Variants in SLCO2A1 observed in about 807,000 individuals in gnomAD.
The protein encoded by SLCO2A1 is matrin F/G 1.
A neutral mutation model predicts 71.7 loss-of-function variants in SLCO2A1; 60 were observed. The observed-to-expected ratio is 0.84, with a 90% confidence interval of 0.68 to 1.04. SLCO2A1 has a LOEUF of 1.04. Ranked by LOEUF, SLCO2A1 falls within the 50% of genes least tolerant of loss-of-function variation. SLCO2A1 has a pLI of 0.00. For synonymous variants in SLCO2A1, 308 were observed against 326.7 expected, an observed-to-expected ratio of 0.94 and a Z score of 0.62; for missense variants, 745 against 813.4, an observed-to-expected ratio of 0.92 and a Z score of 1.02.
At chr3:133,949,495 G>A (rs1174852480) in intron 6 of SLCO2A1, among the ~76,000 whole-genome samples, 1 of 152,060 alleles carries the variant, frequency 6.6e-6, no homozygotes, top group African/African-American at 2.4e-5. Context: ...CACTTTCTTG[G>A]GTATACTACC....
chr3:133,950,021 G>A (rs1933698537), intron 6 of SLCO2A1, among the ~76,000 whole-genome samples: 1 of 151,810 alleles, frequency 6.6e-6, no homozygotes, highest in African/African-American at 2.4e-5. Flanking sequence ...TTTTTTTAGA[G>A]ATGGGGTCTC....
intron 1 of SLCO2A1, among the ~76,000 whole-genome samples, chr3:134,023,121 A>AAAAC (rs143225028): frequency 0.032 from 1,245 of 38,416 alleles, 14 homozygotes; most frequent in African/African-American, 0.049. Context: ...TTCATACAGC[A>AAAAC]AAACAAACAA....
intron 3 of SLCO2A1, among the ~76,000 whole-genome samples, chr3:133,957,420 A>C (rs764941875): frequency 2.0e-5 from 3 of 152,106 alleles, no homozygotes; most frequent in Non-Finnish European, 4.4e-5. Context: ...CACAGGGGTT[A>C]CTGTGAGCAG....
chr3:133,980,563 G>A (rs571841887), intron 1 of SLCO2A1, among the ~76,000 whole-genome samples: 46 of 152,308 alleles, frequency 3.0e-4, no homozygotes, highest in Non-Finnish European at 5.6e-4. Flanking sequence ...GCGCCCCTCT[G>A]GGTGAGGTTT....
rs554983964 is a variant in SLCO2A1 at position 133,989,427 on chromosome 3, C to T, written c.97-9809G>A. Among the ~76,000 whole-genome samples the T allele has an allele frequency of 9.8e-5, 15 of 152,316 alleles. No homozygotes were observed. In the South Asian group the frequency reaches 2.9e-3, roughly 30 times the overall value. On this transcript the variant is annotated intron_variant, in intron 1 of 13. Transcript: ENST00000310926. ...CAGTGGTAACACCCCTCTGAGACTTCCCTCTCTTGGGAAGAAGCATAACTG... is the reference window on the plus strand; with the variant it reads ...CAGTGGTAACACCCCTCTGAGACTTTCCTCTCTTGGGAAGAAGCATAACTG...
In SLCO2A1 at chr3:133,940,847, G is replaced by A. The variant is rs144176794; in HGVS notation, c.1625+1758C>T. ...TACTGTTTTCCTGTGCCGTTTCTCC[G>A]GGTTGTAGTTGCAATGAGCAACTCT... On this transcript the variant is annotated intron_variant, in intron 11 of 13. Transcript: ENST00000310926. 4.6e-3 allele frequency among the ~76,000 whole-genome samples: 707 copies of A among 152,248 alleles called. 11 individuals carry two copies. The highest frequency in any genetic ancestry group is 0.015 in the African/African-American group (604 of 41,544).
At chr3:134,007,293 C>T (rs146143064) in intron 1 of SLCO2A1, among the ~76,000 whole-genome samples, 1 of 152,314 alleles carries the variant, frequency 6.6e-6, no homozygotes, top group East Asian at 1.9e-4. Flanking sequence ...TTGATTGTGT[C>T]ACTTGATGCA....
At chr3:133,964,398 T>C (rs78797918) in intron 3 of SLCO2A1, among the ~76,000 whole-genome samples, 6,594 of 152,212 alleles carry the variant, frequency 0.043, 470 homozygotes, top group African/African-American at 0.15. Context: ...TCGATTTTCA[T>C]CCAAAGAGAT....
chr3:133,995,621 T>G (rs1450858988), intron 1 of SLCO2A1, among the ~76,000 whole-genome samples: 1 of 152,134 alleles, frequency 6.6e-6, no homozygotes, highest in Non-Finnish European at 1.5e-5. Context: ...GAGCCCAGAT[T>G]GCAATTACAA....
intron 1 of SLCO2A1, among the ~76,000 whole-genome samples, chr3:134,017,090 G>A (rs937328714): frequency 6.6e-5 from 10 of 152,206 alleles, no homozygotes; most frequent in South Asian, 2.1e-4. Flanking sequence ...AGAAATCCTC[G>A]TGGTGATGGA....
At chr3:133,993,085 G>C (rs1473383579) in intron 1 of SLCO2A1, among the ~76,000 whole-genome samples, 1 of 152,142 alleles carries the variant, frequency 6.6e-6, no homozygotes, top group African/African-American at 2.4e-5. Flanking sequence ...ATGCTGCCGT[G>C]GGGCCCACAA....
At chr3:133,994,764 C>A (rs1239555157) in intron 1 of SLCO2A1, among the ~76,000 whole-genome samples, 1 of 152,188 alleles carries the variant, frequency 6.6e-6, no homozygotes, top group Non-Finnish European at 1.5e-5. Flanking sequence ...TCCATGCCCC[C>A]AACCATTGTT....
At chr3:133,988,391 C>CTAA (rs1185197018) in intron 1 of SLCO2A1, among the ~76,000 whole-genome samples, 1 of 152,124 alleles carries the variant, frequency 6.6e-6, no homozygotes, top group Non-Finnish European at 1.5e-5. Flanking sequence ...ATTTTTGAAC[C>CTAA]TAAACTATAG....
At chr3:133,981,834 G>T (rs1934599656) in intron 1 of SLCO2A1, among the ~76,000 whole-genome samples, 1 of 152,096 alleles carries the variant, frequency 6.6e-6, no homozygotes, top group African/African-American at 2.4e-5. Flanking sequence ...AATTAACCAG[G>T]CGTGGTGGCA....
In SLCO2A1 at chr3:133,979,530, C is replaced by G; in HGVS notation, c.185G>C (p.Arg62Pro). ...CGATGAAGAACTGGAGAGCCCAAAGCGCTTCTCAATGGTGGTGAGGCTGCT... is the reference window on the plus strand; with the variant it reads ...CGATGAAGAACTGGAGAGCCCAAAGGGCTTCTCAATGGTGGTGAGGCTGCT... ...FKSSLTTIEK[R>P]FGLSSSSSGL... Residue 62 changes from arginine to proline, a missense_variant, in exon 2 of 14, where the codon CGC becomes CCC. Arg to Pro is a moderately radical substitution (Grantham distance 103). Coordinates refer to ENST00000310926, the MANE Select transcript of SLCO2A1 (RefSeq NM_005630.3). The G allele has an allele frequency of 6.2e-7, 1 of 1,614,134 alleles. No individual in the cohort carries two copies. Among genetic ancestry groups the G allele is most frequent in the Non-Finnish European group, 8.5e-7 (1 of 1,180,002 alleles).
chr3:134,008,631 ACCCTCAGGCCTACTCTT>A (rs2108073472), intron 1 of SLCO2A1, among the ~76,000 whole-genome samples: 1 of 151,668 alleles, frequency 6.6e-6, no homozygotes, highest in Non-Finnish European at 1.5e-5. Flanking sequence ...TCACCACCTC[ACCCTCAGGCCTACTCTT>A]CCTACATGGC....
chr3:133,935,277 C>T (rs1006064878), intron 13 of SLCO2A1, among the ~76,000 whole-genome samples: 11 of 152,312 alleles, frequency 7.2e-5, no homozygotes, highest in African/African-American at 1.7e-4. Context: ...CATATGACAA[C>T]GGCAGCAGGT....
At chr3:133,936,372 T>C (rs1296100406) in intron 12 of SLCO2A1, among the ~76,000 whole-genome samples, 1 of 152,078 alleles carries the variant, frequency 6.6e-6, no homozygotes, top group African/African-American at 2.4e-5. Flanking sequence ...GGAACCCTGG[T>C]TTATGGAGGT....
At chr3:133,961,066 C>G (rs967861091) in intron 3 of SLCO2A1, among the ~76,000 whole-genome samples, 3 of 151,880 alleles carry the variant, frequency 2.0e-5, no homozygotes, top group Non-Finnish European at 4.4e-5. Context: ...GGGAAGGGGC[C>G]TGGATTGTAT....
Sources: gnomAD v4.1 joint callset for allele counts (sites outside exome capture counted in the v4.1 genomes callset) on GRCh38, gnomAD v4.1.1 for gene constraint, MANE v1.5 for transcripts, NCBI Gene and HGNC (gene_info 2026-07-23, HGNC 2026-07-21) for gene names.